The following RYR3 variants were observed in gnomAD, a reference collection of about 807,000 sequenced individuals.
RYR3 encodes the protein ryanodine receptor 3.
RYR3 carries 207 observed loss-of-function variants against 584.3 expected under a neutral mutation model. The ratio of observed to expected loss-of-function variants is 0.35; its 90% confidence interval spans 0.32 to 0.40. The LOEUF is 0.40. Among genes scored for constraint, RYR3 ranks in the 10% least tolerant of loss-of-function variants. RYR3 has a pLI of 1.00. For synonymous variants in RYR3, 2,416 were observed against 2,248.5 expected, an observed-to-expected ratio of 1.07 and a Z score of -2.11; for missense variants, 5,616 against 6,089.2, an observed-to-expected ratio of 0.92 and a Z score of 2.59.
intron 1 of RYR3, among the ~76,000 whole-genome samples, chr15:33,372,498 G>A (rs1283862966): frequency 1.3e-5 from 2 of 151,488 alleles, no homozygotes; most frequent in Non-Finnish European, 2.9e-5. Context: ...CCGAGTAGCT[G>A]GGACTACAGG....
intron 1 of RYR3, among the ~76,000 whole-genome samples, chr15:33,468,423 CAATAAT>C (rs1339605411): frequency 6.6e-6 from 1 of 152,206 alleles, no homozygotes; most frequent in African/African-American, 2.4e-5. Flanking sequence ...ATATCATTAT[CAATAAT>C]AATAATTAAG....
At chr15:33,321,119 G>A (rs1567020885) in intron 1 of RYR3, among the ~76,000 whole-genome samples, 3 of 152,126 alleles carry the variant, frequency 2.0e-5, no homozygotes, top group Non-Finnish European at 4.4e-5. Flanking sequence ...TCAATAGATG[G>A]GCAACATGAT....
intron 3 of RYR3, among the ~76,000 whole-genome samples, chr15:33,509,001 T>C (rs1478019614): frequency 6.6e-6 from 1 of 152,210 alleles, no homozygotes; most frequent in Non-Finnish European, 1.5e-5. Flanking sequence ...CATTATGCTA[T>C]ATCCGTGTAA....
chr15:33,841,211 T>A (rs1472785429), intron 90 of RYR3, among the ~76,000 whole-genome samples: 2 of 152,122 alleles, frequency 1.3e-5, no homozygotes, highest in African/African-American at 4.8e-5. Flanking sequence ...AGCAAGACCC[T>A]GTCTCAAAAA....
chr15:33,415,724 T>G (rs1042574851), intron 1 of RYR3, among the ~76,000 whole-genome samples: 2 of 152,192 alleles, frequency 1.3e-5, no homozygotes, highest in Admixed American at 6.5e-5. Context: ...TAAAAAAATT[T>G]AGATTTGAGG....
chr15:33,408,697 G>A (rs1042092648), intron 1 of RYR3, among the ~76,000 whole-genome samples: 1 of 152,108 alleles, frequency 6.6e-6, no homozygotes, highest in Admixed American at 6.5e-5. Flanking sequence ...ATTCTGACTA[G>A]TGTGATATGG....
intron 93 of RYR3, 96 bp from the exon 94 acceptor site, chr15:33,848,195 C>G (rs2078846512): frequency 6.8e-7 from 1 of 1,477,748 alleles, no homozygotes; most frequent in East Asian, 2.3e-5. Context: ...GAGATTGCTG[C>G]TCTGAAGTTG....
At position 33,834,297 on chromosome 15, in the gene RYR3, C is replaced by CACAT. The variant is rs1472804078; in HGVS notation, c.11464-668_11464-667insTACA. Among the ~76,000 whole-genome samples, 4 of 143,466 alleles carry CACAT rather than the reference C, an allele frequency of 2.8e-5. No individual in the cohort carries two copies. In the East Asian group the frequency reaches 8.6e-4, roughly 31 times the overall value. The allele number at this position is 143,466 out of a possible 152,430, so 94.1% of individuals were successfully genotyped here. On this transcript the variant is annotated intron_variant, in intron 86 of 103. Transcript: ENST00000634891. Reference sequence around the variant, plus strand: ...AAAATCTGTCTTAAACACACACACACACACACACACACACACACACACACA... The same window carrying CACAT: ...AAAATCTGTCTTAAACACACACACACACATACACACACACACACACACACACACA...
At chr15:33,606,807 T>C (rs1490695227) in intron 18 of RYR3, among the ~76,000 whole-genome samples, 1 of 152,196 alleles carries the variant, frequency 6.6e-6, no homozygotes, top group Non-Finnish European at 1.5e-5. Flanking sequence ...GGAGGAATCA[T>C]ATCTCCCCTT....
At position 33,855,709 on chromosome 15, in the gene RYR3, A is replaced by G. The variant is rs367860716; in HGVS notation, c.14007+797A>G. 4.6e-5 allele frequency among the ~76,000 whole-genome samples: 7 copies of G among 152,172 alleles called. No homozygotes were observed. In the South Asian group the frequency reaches 1.4e-3, roughly 32 times the overall value. Reference sequence around the variant, plus strand: ...ACATATGTATATGGTTGTTATACACATAGTACACATTTTATGTGTGTATAT... The same window carrying G: ...ACATATGTATATGGTTGTTATACACGTAGTACACATTTTATGTGTGTATAT... On this transcript the variant is annotated intron_variant, in intron 98 of 103. Coordinates refer to ENST00000634891, the MANE Select transcript of RYR3 (RefSeq NM_001036.6).
In RYR3 at chr15:33,801,838, A is replaced by AT. The variant is rs747371695; in HGVS notation, c.9919-30dup. 81 of 1,163,268 alleles carry AT rather than the reference A, an allele frequency of 7.0e-5. No individual in the cohort carries two copies. In the African/African-American group the frequency reaches 1.2e-3, roughly 17 times the overall value. The allele number at this position is 1,163,268 out of a possible 1,614,324, so 72.1% of individuals were successfully genotyped here. ...TTTTGGTTTACAGAACTTTCTTGTA[A>AT]TGTTTGCTGTTTCAATTCTTTCCCA... is the stretch of plus-strand genomic sequence containing the variant. On this transcript the variant is annotated intron_variant, in intron 68 of 103. Transcript: ENST00000634891.
chr15:33,338,064 C>A (rs959763679), intron 1 of RYR3, among the ~76,000 whole-genome samples: 1 of 150,872 alleles, frequency 6.6e-6, no homozygotes, highest in South Asian at 2.1e-4. Flanking sequence ...CTTGCCTCAG[C>A]CTCCCGAGTA....
At chr15:33,337,769 C>T (rs1364433128) in intron 1 of RYR3, among the ~76,000 whole-genome samples, 2 of 152,030 alleles carry the variant, frequency 1.3e-5, no homozygotes, top group African/African-American at 4.8e-5. Flanking sequence ...AGTGGAGCCT[C>T]TAAACTCATC....
intron 65 of RYR3, among the ~76,000 whole-genome samples, chr15:33,781,859 A>AGGG (rs1315417157): frequency 3.0e-4 from 38 of 126,770 alleles, no homozygotes; most frequent in Admixed American, 4.0e-4. Context: ...AAAAAAAAAA[A>AGGG]GGGGGGGGGG....
chr15:33,659,725 G>A lies in RYR3; in HGVS notation c.4314G>A (p.Glu1438=). The change falls in exon 33 of 104, where the codon GAG becomes GAA. Residue 1438 remains glutamate (E), a synonymous_variant. Transcript: ENST00000634891. The part of the protein sequence containing the change: ...GKELGTCYQV[E]PNTKVFPAVF... ...CGATTTGTTTTGATTTCCAGGTGGAGCCTAATACCAAAGTGTTTCCAGCAG... is the reference window on the plus strand; with the variant it reads ...CGATTTGTTTTGATTTCCAGGTGGAACCTAATACCAAAGTGTTTCCAGCAG... 6.2e-7 allele frequency: 1 copy of A among 1,607,516 alleles called. No homozygotes were observed. Among genetic ancestry groups the A allele is most frequent in the African/African-American group, 1.3e-5 (1 of 74,892 alleles).
rs1436615209 is a variant in RYR3 at position 33,539,375 on chromosome 15, T to C, written c.459T>C (p.His153=). 7 of 1,597,556 alleles carry C rather than the reference T, an allele frequency of 4.4e-6. No individual in the cohort carries two copies. In the Admixed American group the frequency reaches 5.2e-5, roughly 12 times the overall value. The change falls in exon 6 of 104, where the codon CAT becomes CAC. Residue 153 remains histidine, a synonymous_variant. Transcript: ENST00000634891. ...GAGAAGCCTGTTGGTGGACTATACA[T>C]CCTGCTTCCAAACAGAGGTCCGAAG... ...ATGEACWWTI[H]PASKQRSEGE...
chr15:33,403,262 ATACTCT>A (rs1162449438), intron 1 of RYR3, among the ~76,000 whole-genome samples: 8 of 152,224 alleles, frequency 5.3e-5, no homozygotes, highest in African/African-American at 1.9e-4. Context: ...ATGTGCAATG[ATACTCT>A]TATTCTTTTT....
intron 91 of RYR3, among the ~76,000 whole-genome samples, chr15:33,842,542 C>G (rs1400290366): frequency 6.6e-6 from 1 of 152,218 alleles, no homozygotes; most frequent in Non-Finnish European, 1.5e-5. Context: ...AAGGCCAGGA[C>G]CACACCTTCC....
At chr15:33,581,676 T>A (rs2058600168) in intron 14 of RYR3, 33 bp downstream of exon 14, 3 of 1,592,900 alleles carry the variant, frequency 1.9e-6, no homozygotes, top group Non-Finnish European at 2.6e-6. Flanking sequence ...CTCCCTGGGA[T>A]GATTTCCATG....
Sources: allele counts gnomAD v4.1 joint callset (sites outside exome capture counted in the v4.1 genomes callset), GRCh38; gene constraint gnomAD v4.1.1; transcripts MANE v1.5; gene names NCBI Gene and HGNC (gene_info 2026-07-23, HGNC 2026-07-21).